LRP2: variants seen among roughly 807,000 people sequenced by gnomAD.
LRP2 encodes the protein LDL receptor related protein 2, also known as low-density lipoprotein receptor-related protein 2.
Under a neutral mutation model 531.0 loss-of-function variants are expected in LRP2, and 172 were observed. The ratio of observed to expected loss-of-function variants is 0.32; its 90% CI spans 0.29 to 0.37. The LOEUF (loss-of-function observed/expected upper bound fraction) is 0.37. LRP2 is among the 10% of genes least tolerant of loss of function. The pLI is 1.00. For synonymous variants in LRP2, 1,992 were observed against 2,027.6 expected (o/e 0.98, Z 0.47); for missense variants, 5,167 against 5,868.3 (o/e 0.88, Z 3.90).
chr2:169,156,162 AAAAG>A (rs1414404785), intron 65 of LRP2, 108 bp downstream of exon 65: 11 of 1,485,420 alleles, frequency 7.4e-6, no homozygotes, highest in Admixed American at 5.6e-5. Context: ...AGTTTAAAAA[AAAAG>A]AAAGAAAAGA....
intron 70 of LRP2, among the ~76,000 whole-genome samples, chr2:169,144,900 T>C (rs934412007): frequency 2.0e-5 from 3 of 152,320 alleles, no homozygotes; most frequent in African/African-American, 7.2e-5. Context: ...TACTGAACAC[T>C]GGGCCAATAC....
chr2:169,189,958 G>A (rs138818731), intron 48 of LRP2, among the ~76,000 whole-genome samples: 145 of 152,296 alleles, frequency 9.5e-4, no homozygotes, highest in African/African-American at 3.0e-3. Context: ...TGAGATCATA[G>A]TAATGATAAA....
At chr2:169,283,264 G>A (rs989868763) in intron 9 of LRP2, among the ~76,000 whole-genome samples, 2 of 152,134 alleles carry the variant, frequency 1.3e-5, no homozygotes, top group Non-Finnish European at 2.9e-5. Flanking sequence ...TAGCCCTATG[G>A]TACTGCATTT....
chr2:169,128,441 A>G lies in LRP2; in HGVS notation c.*222T>C. 2.1e-6 allele frequency: 1 copy of G among 483,396 alleles called. No individual in the cohort carries two copies. The highest frequency in any genetic ancestry group is 3.7e-6 in the Non-Finnish European group (1 of 269,472). 29.9% of individuals were successfully genotyped at this position (483,396 alleles called of 1,614,324 possible). ...TATATTTATAGTATTACCTTCAGACAACTTCAGTGCAAAGATATACATATA... is the reference window on the plus strand; with the variant it reads ...TATATTTATAGTATTACCTTCAGACGACTTCAGTGCAAAGATATACATATA... On this transcript the variant is annotated 3_prime_UTR_variant, in exon 79 of 79. Transcript: ENST00000649046.
Position 169,169,816 on chromosome 2 carries a change from T to A in LRP2, c.11383A>T (p.Met3795Leu). The A allele has an allele frequency of 6.2e-7, 1 of 1,601,642 alleles. No individual in the cohort carries two copies. Among genetic ancestry groups the A allele is most frequent in the Non-Finnish European group, 8.6e-7 (1 of 1,168,666 alleles). The change falls in exon 60 of 79, where the codon ATG becomes TTG. Residue 3795 changes from methionine to leucine, a missense_variant and splice_region_variant. Physicochemically the swap from Met to Leu is conservative, Grantham distance 15 (BLOSUM62 2). Coordinates refer to ENST00000649046, the MANE Select transcript of LRP2 (RefSeq NM_004525.3). ...AAATATTCAGGATGGCAGGTCCTCA[T>A]CTCTGAAGAGAAAAGATTGTCATTC... ...GDNSDERDCE[M>L]RTCHPEYFQC... is the part of the protein sequence containing the mutation.
intron 43 of LRP2, 121 bp downstream of exon 43, chr2:169,202,635 G>A: frequency 1.0e-6 from 1 of 992,282 alleles, no homozygotes; most frequent in Non-Finnish European, 1.6e-6. Flanking sequence ...ACATTTTTCA[G>A]CTCTACCAGG....
chr2:169,286,928 C>T (rs1683874485), intron 9 of LRP2, among the ~76,000 whole-genome samples: 1 of 152,044 alleles, frequency 6.6e-6, no homozygotes, highest in Non-Finnish European at 1.5e-5. Context: ...AAGGAAAATG[C>T]CTAAAGAACT....
intron 1 of LRP2, among the ~76,000 whole-genome samples, chr2:169,328,441 T>TAAAAAAAAAAAGAAAAAAAAAAAAAGAA (rs1685176519): frequency 2.0e-5 from 1 of 49,130 alleles, no homozygotes; most frequent in African/African-American, 7.4e-5. Flanking sequence ...CGGGCCGGGA[T>TAAAAAAAAAAAGAAAAAAAAAAAAAGAA]AAAAAAAAAA....
chr2:169,182,557 C>T (rs1687479919), intron 50 of LRP2: 12 of 1,385,998 alleles, frequency 8.7e-6, no homozygotes, highest in African/African-American at 1.5e-5. Flanking sequence ...GTAGAAAATA[C>T]GGGGGACACA....
chr2:169,354,402 T>A (rs949929588), intron 1 of LRP2, among the ~76,000 whole-genome samples: 1 of 152,238 alleles, frequency 6.6e-6, no homozygotes, highest in Non-Finnish European at 1.5e-5. Flanking sequence ...CGCCATTGTA[T>A]CCATGGTAAC....
In LRP2 at chr2:169,139,277, A is replaced by G; in HGVS notation, c.13362T>C (p.Leu4454=). ...TTGGCAGCTTGGGCAGAGCAGGCAAAAGGGAGCCGGTCCTTCTATAGTGGA... is the reference window on the plus strand; with the variant it reads ...TTGGCAGCTTGGGCAGAGCAGGCAAGAGGGAGCCGGTCCTTCTATAGTGGA... The part of the protein sequence containing the change: ...GFFHYRRTGS[L]LPALPKLPSL... Residue 4454 remains leucine, a synonymous_variant, in exon 74 of 79, where the codon CTT becomes CTC. Coordinates refer to ENST00000649046, the MANE Select transcript of LRP2 (RefSeq NM_004525.3). 6.2e-7 allele frequency: 1 copy of G among 1,614,150 alleles called. No homozygotes were observed. Among genetic ancestry groups the G allele is most frequent in the Non-Finnish European group, 8.5e-7 (1 of 1,180,012 alleles).
intron 3 of LRP2, among the ~76,000 whole-genome samples, chr2:169,310,349 G>C (rs1684557689): frequency 6.6e-6 from 1 of 152,146 alleles, no homozygotes; most frequent in South Asian, 2.1e-4. Context: ...GTCATAAATA[G>C]CTCTTATTAT....
At chr2:169,290,410 G>T (rs1683970295) in intron 8 of LRP2, among the ~76,000 whole-genome samples, 2 of 151,762 alleles carry the variant, frequency 1.3e-5, no homozygotes, top group Non-Finnish European at 2.9e-5. Flanking sequence ...GTGCGTTAGG[G>T]ATTAGGAACG....
chr2:169,194,025 A>G (rs1371784494), intron 46 of LRP2, 133 bp from the exon 47 acceptor site: 8 of 958,732 alleles, frequency 8.3e-6, no homozygotes, highest in Non-Finnish European at 1.3e-5. Context: ...CATCTAGGGT[A>G]GTCCTCCAAT....
intron 10 of LRP2, among the ~76,000 whole-genome samples, chr2:169,281,883 T>C (rs1050864807): frequency 6.6e-6 from 1 of 152,090 alleles, no homozygotes; most frequent in African/African-American, 2.4e-5. Flanking sequence ...CAGTTAAATA[T>C]CTATATTTGT....
At chr2:169,160,685 A>AAAAAAAAAAC (rs1553487410) in intron 63 of LRP2, among the ~76,000 whole-genome samples, 2 of 94,234 alleles carry the variant, frequency 2.1e-5, no homozygotes, top group East Asian at 4.6e-4. Flanking sequence ...ATTTCCTTAA[A>AAAAAAAAAAC]AAAAAAAAAA....
At chr2:169,344,037 A>G (rs1685631141) in intron 1 of LRP2, among the ~76,000 whole-genome samples, 1 of 152,200 alleles carries the variant, frequency 6.6e-6, no homozygotes. Flanking sequence ...CATCTGTCCT[A>G]CAGTGAAAAT....
Position 169,209,885 on chromosome 2 carries a change from G to A in LRP2, c.6281-244C>T, listed in dbSNP as rs73035715. Among the ~76,000 whole-genome samples the A allele has an allele frequency of 0.02, 3,008 of 152,208 alleles. 95 individuals are homozygous for A. The highest frequency in any genetic ancestry group is 0.069 in the African/African-American group (2,866 of 41,510). ...TTATAGGTTTAGGCAGGGAAGGTAC[G>A]AAGTGAGTGTGAAACATCTTATTGT... On this transcript the variant is annotated intron_variant, in intron 37 of 78. Coordinates refer to ENST00000649046, the MANE Select transcript of LRP2 (RefSeq NM_004525.3).
In LRP2 at chr2:169,127,455, T is replaced by G. The variant is rs2105320219; in HGVS notation, c.*1208A>C. On this transcript the variant is annotated 3_prime_UTR_variant, in exon 79 of 79. Coordinates refer to ENST00000649046, the MANE Select transcript of LRP2 (RefSeq NM_004525.3). Reference sequence around the variant, plus strand: ...GGCTCACGCCCGTAACCCCAACCACTCAGGAGGCTGAGGTGGGAGGATCAC... The same window carrying G: ...GGCTCACGCCCGTAACCCCAACCACGCAGGAGGCTGAGGTGGGAGGATCAC... 1 of 138,974 alleles carries G rather than the reference T, an allele frequency of 7.2e-6. No individual in the cohort carries two copies. The highest frequency in any genetic ancestry group is 2.1e-4 in the East Asian group (1 of 4,772). The allele number at this position is 138,974 out of a possible 1,614,324, so 8.6% of individuals were successfully genotyped here.
Sources: allele counts gnomAD v4.1 joint callset (sites outside exome capture counted in the v4.1 genomes callset), GRCh38; gene constraint gnomAD v4.1.1; transcripts MANE v1.5; gene names NCBI Gene and HGNC (gene_info 2026-07-23, HGNC 2026-07-21).